The following RTN4 variants were observed in gnomAD, a reference collection of about 807,000 sequenced individuals.
RTN4 encodes reticulon-4.
A neutral mutation model predicts 90.4 loss-of-function variants in RTN4; 32 were observed. The ratio of observed to expected loss-of-function variants is 0.35; its 90% CI spans 0.27 to 0.48. RTN4 has a LOEUF of 0.48. RTN4 is among the 20% of genes least tolerant of loss of function. The pLI, the probability that RTN4 is intolerant of heterozygous loss-of-function variation, is 0.99. For synonymous variants in RTN4, 629 were observed against 552.5 expected (o/e 1.14, Z -1.94); for missense variants, 1,706 against 1,430.2 (o/e 1.19, Z -3.11).
chr2:55,105,555 G>T (rs749412367), intron 1 of RTN4, among the ~76,000 whole-genome samples: 19 of 151,888 alleles, frequency 1.3e-4, no homozygotes, highest in Non-Finnish European at 2.8e-4. Flanking sequence ...TTTATTTTAC[G>T]CAAGCTCTGT....
At chr2:55,040,387 T>C (rs529780687) in intron 1 of RTN4, among the ~76,000 whole-genome samples, 1 of 151,978 alleles carries the variant, frequency 6.6e-6, no homozygotes, top group Non-Finnish European at 1.5e-5. Context: ...TAAATAAAAG[T>C]AAATTCCCTT....
At chr2:55,010,324 G>T in intron 3 of RTN4, 1 of 1,384,518 alleles carries the variant, frequency 7.2e-7, no homozygotes, top group Non-Finnish European at 9.4e-7. Context: ...AGTGCAATCT[G>T]TAACTAGGCT....
intron 1 of RTN4, among the ~76,000 whole-genome samples, chr2:55,047,742 C>T (rs910765437): frequency 3.3e-5 from 5 of 152,162 alleles, no homozygotes; most frequent in African/African-American, 9.7e-5. Context: ...GTAGCAAGTA[C>T]TTATGAATGT....
chr2:55,117,330 C>G (rs1397191010), upstream of RTN4, among the ~76,000 whole-genome samples: 1 of 152,148 alleles, frequency 6.6e-6, no homozygotes, highest in East Asian at 1.9e-4. Context: ...AAAGCTCATG[C>G]CTTCGAGCAT....
At chr2:55,086,829 A>T (rs2968797) in intron 1 of RTN4, among the ~76,000 whole-genome samples, 126,088 of 145,240 alleles carry the variant, frequency 0.87, 54,338 homozygotes, top group East Asian at 0.92. Context: ...ACTTTAATTT[A>T]TTTTTTTTTT....
At chr2:55,068,966 G>C (rs968622296) in intron 2 of RTN4, among the ~76,000 whole-genome samples, 1 of 152,242 alleles carries the variant, frequency 6.6e-6, no homozygotes, top group Non-Finnish European at 1.5e-5. Context: ...CCACTGCCTT[G>C]ATTTGTGCCA....
chr2:55,100,696 A>G (rs1331641516), intron 1 of RTN4, among the ~76,000 whole-genome samples: 2 of 152,132 alleles, frequency 1.3e-5, no homozygotes, highest in Non-Finnish European at 2.9e-5. Context: ...GTTTATCTGC[A>G]ATTTTATATA....
intron 1 of RTN4, among the ~76,000 whole-genome samples, chr2:55,085,969 A>C (rs560246351): frequency 8.5e-5 from 13 of 152,360 alleles, no homozygotes; most frequent in Admixed American, 5.9e-4. Flanking sequence ...GGCAAGAGAG[A>C]ATACTCTGAC....
intron 5 of RTN4, among the ~76,000 whole-genome samples, chr2:54,977,029 C>T (rs6705519): frequency 0.27 from 40,641 of 152,208 alleles, 5,617 homozygotes; most frequent in Non-Finnish European, 0.29. Context: ...ATTAAATTCA[C>T]TGTGTATAAC....
At position 55,102,168 on chromosome 2, in the gene RTN4, T is replaced by C. The variant is rs181551120; in HGVS notation, c.-214+10352A>G. Among the ~76,000 whole-genome samples, 22 of 152,262 alleles carry C rather than the reference T, an allele frequency of 1.4e-4. No individual in the cohort carries two copies. The East Asian group carries it at 1.9e-3, about 13-fold the overall frequency. On this transcript the variant is annotated intron_variant, in intron 1 of 3. Coordinates refer to the RTN4 transcript ENST00000427710. Reference sequence around the variant, plus strand: ...CATCCAAATCATGCCTAAATCATTTTTCAGTTCTTTGGAGCAGATGACGAT... The same window carrying C: ...CATCCAAATCATGCCTAAATCATTTCTCAGTTCTTTGGAGCAGATGACGAT...
At chr2:54,994,582 C>T (rs1009201276) in intron 3 of RTN4, among the ~76,000 whole-genome samples, 2 of 152,102 alleles carry the variant, frequency 1.3e-5, no homozygotes, top group Admixed American at 1.3e-4. Flanking sequence ...CATTATCAAC[C>T]TGATAAAGAG....
At chr2:55,096,470 T>C (rs1363634382) in intron 1 of RTN4, among the ~76,000 whole-genome samples, 1 of 152,122 alleles carries the variant, frequency 6.6e-6, no homozygotes, top group Non-Finnish European at 1.5e-5. Flanking sequence ...TCATCTAATA[T>C]ATCTCTCAAG....
intron 2 of RTN4, among the ~76,000 whole-genome samples, chr2:55,062,114 AGAGTCGGGCCGCCAAGCAGC>A (rs1414345469): frequency 6.6e-6 from 1 of 152,130 alleles, no homozygotes; most frequent in Non-Finnish European, 1.5e-5. Context: ...CTGTCAGAGA[AGAGTCGGGCCGCCAAGCAGC>A]CCGACTTCCA....
At chr2:55,076,342 A>G (rs955842583) in intron 2 of RTN4, among the ~76,000 whole-genome samples, 23 of 148,398 alleles carry the variant, frequency 1.5e-4, no homozygotes, top group Non-Finnish European at 2.8e-4. Context: ...GCTCAACATC[A>G]CTACTTGATA....
At chr2:55,119,674 A>C in the RTN4 span, among the ~76,000 whole-genome samples, 1 of 152,122 alleles carries the variant, frequency 6.6e-6, no homozygotes, top group Non-Finnish European at 1.5e-5. Flanking sequence ...AGGGGGCAAA[A>C]AAGCAAAAGA....
intron 1 of RTN4, among the ~76,000 whole-genome samples, chr2:55,048,060 A>G (rs981396485): frequency 3.4e-4 from 52 of 152,232 alleles, no homozygotes; most frequent in Non-Finnish European, 1.6e-4. Context: ...ATATGGTATA[A>G]TCAATTGCTC....
At chr2:55,043,438 T>C (rs1683204231) in intron 1 of RTN4, among the ~76,000 whole-genome samples, 1 of 152,202 alleles carries the variant, frequency 6.6e-6, no homozygotes, top group South Asian at 2.1e-4. Context: ...GTTATTCTAA[T>C]AAGTTGCTTG....
intron 3 of RTN4, among the ~76,000 whole-genome samples, chr2:55,022,896 AACAC>A (rs150779063): frequency 2.0e-4 from 27 of 137,472 alleles, no homozygotes; most frequent in South Asian, 7.6e-4. Context: ...TTCAACATCC[AACAC>A]ACACACACAC....
chr2:55,050,946 G>A (rs1822618), upstream of RTN4: 3 of 152,116 alleles, frequency 2.0e-5, no homozygotes, highest in African/African-American at 7.2e-5. The surrounding 1 kb of genome is among the most constrained non-coding windows in gnomAD (Gnocchi z 4.6). Context: ...CTTTCCTCCC[G>A]GGAAAGGAAG....
Sources: gnomAD v4.1 joint callset for allele counts (sites outside exome capture counted in the v4.1 genomes callset) on GRCh38, gnomAD v4.1.1 for gene constraint, Gnocchi (gnomAD v3.1) non-coding constraint, MANE v1.5 for transcripts, NCBI Gene and HGNC (gene_info 2026-07-23, HGNC 2026-07-21) for gene names.